The following CSMD1 variants were observed in gnomAD, a reference collection of about 807,000 sequenced individuals.
The protein encoded by CSMD1 is CUB and Sushi multiple domains 1, also known as CUB and sushi domain-containing protein 1.
Under a neutral mutation model 417.5 loss-of-function variants are expected in CSMD1, and 213 were observed. The observed-to-expected ratio is 0.51, with a 90% CI of 0.46 to 0.57. The LOEUF (loss-of-function observed/expected upper bound fraction) is 0.57, where lower values mean the gene tolerates loss of function less well. Ranked by LOEUF, CSMD1 falls within the 20% of genes least tolerant of loss-of-function variation. The pLI is 0.00. For missense variants in CSMD1, 6,923 were observed against 4,529.7 expected (o/e 1.53, Z -15.17); for synonymous variants, 2,862 against 1,736.8 (o/e 1.65, Z -16.11).
intron 26 of CSMD1, among the ~76,000 whole-genome samples, chr8:3,252,705 G>T (rs1393662351): frequency 6.6e-6 from 1 of 152,086 alleles, no homozygotes; most frequent in African/African-American, 2.4e-5. Context: ...CTTTTTTTAG[G>T]TTGGTAAGCT....
intron 2 of CSMD1, among the ~76,000 whole-genome samples, chr8:4,589,893 G>A (rs1405741131): frequency 6.6e-6 from 1 of 152,118 alleles, no homozygotes; most frequent in South Asian, 2.1e-4. Flanking sequence ...ACTGAGACCT[G>A]CCTTCTGACA....
In CSMD1 at chr8:4,390,642, G is replaced by C. The variant is rs573809880; in HGVS notation, c.415+29311C>G. ...CATTCTCCTGCCTCAGCCTCCCAAG[G>C]AGCTGGGACGACAGGCACCCCCCAC... On this transcript the variant is annotated intron_variant, in intron 3 of 69. Transcript: ENST00000635120. 3.8e-4 allele frequency among the ~76,000 whole-genome samples: 57 copies of C among 151,920 alleles called. 1 individual carries two copies. The highest frequency in any genetic ancestry group is 1.1e-3 in the African/African-American group (45 of 41,438).
intron 18 of CSMD1, among the ~76,000 whole-genome samples, chr8:3,375,499 T>C (rs1170200825): frequency 7.2e-5 from 11 of 152,220 alleles, no homozygotes; most frequent in Middle Eastern, 6.8e-3. Context: ...ATTCATAGAC[T>C]CTCCATGCCC....
At chr8:4,147,777 T>C (rs1012173032) in intron 3 of CSMD1, among the ~76,000 whole-genome samples, 7 of 152,042 alleles carry the variant, frequency 4.6e-5, no homozygotes, top group Non-Finnish European at 7.3e-5. Context: ...CCATGTGAGA[T>C]CAGAGCCTGA....
chr8:4,729,818 C>A (rs942732595), intron 1 of CSMD1, among the ~76,000 whole-genome samples: 1 of 152,152 alleles, frequency 6.6e-6, no homozygotes, highest in Non-Finnish European at 1.5e-5. Flanking sequence ...TTTTCCATTG[C>A]AATCACAGTA....
intron 3 of CSMD1, among the ~76,000 whole-genome samples, chr8:4,128,554 C>G (rs1384005032): frequency 2.0e-5 from 3 of 152,142 alleles, no homozygotes; most frequent in African/African-American, 4.8e-5. Context: ...TTACAGATAA[C>G]ACATCTCATC....
At chr8:3,764,664 G>T (rs1355956648) in intron 5 of CSMD1, among the ~76,000 whole-genome samples, 1 of 152,064 alleles carries the variant, frequency 6.6e-6, no homozygotes, top group East Asian at 1.9e-4. Context: ...AGGGGCTGGG[G>T]AGTTCATTAT....
chr8:3,293,064 T>G (rs1396220047), intron 25 of CSMD1, among the ~76,000 whole-genome samples: 1 of 152,150 alleles, frequency 6.6e-6, no homozygotes, highest in Non-Finnish European at 1.5e-5. Context: ...TGTAAAGTAT[T>G]TTATTTCTCC....
chr8:3,616,872 G>C, intron 7 of CSMD1, 75 bp from the exon 8 acceptor site: 1 of 1,005,286 alleles, frequency 9.9e-7, no homozygotes, highest in East Asian at 2.6e-5. Flanking sequence ...TTTATTCTAG[G>C]CATTTTCAGT....
chr8:4,463,294 G>C (rs1465547430), intron 2 of CSMD1, among the ~76,000 whole-genome samples: 6 of 152,184 alleles, frequency 3.9e-5, no homozygotes, highest in South Asian at 2.1e-4. Context: ...GTAAGTGTTG[G>C]TGAGGAGGTG....
intron 8 of CSMD1, among the ~76,000 whole-genome samples, chr8:3,593,620 T>A (rs529625790): frequency 5.0e-4 from 76 of 152,344 alleles, no homozygotes; most frequent in Middle Eastern, 3.4e-3. Context: ...CTTTTAAGAA[T>A]GAACAGATAA....
chr8:3,973,887 T>C (rs1246972686), intron 5 of CSMD1, among the ~76,000 whole-genome samples: 1 of 152,182 alleles, frequency 6.6e-6, no homozygotes, highest in East Asian at 1.9e-4. Context: ...GATGAATATA[T>C]TGATGGGTTA....
At chr8:4,918,447 G>C (rs979529164) in intron 1 of CSMD1, among the ~76,000 whole-genome samples, 2 of 151,950 alleles carry the variant, frequency 1.3e-5, no homozygotes, top group African/African-American at 4.8e-5. Context: ...ATATCCACCT[G>C]GACTTCATTA....
At chr8:4,067,963 G>C (rs1374690763) in intron 3 of CSMD1, among the ~76,000 whole-genome samples, 2 of 152,096 alleles carry the variant, frequency 1.3e-5, no homozygotes, top group Non-Finnish European at 2.9e-5. Context: ...TGTAATCCCA[G>C]CTACTTGGGA....
At chr8:3,529,411 G>A (rs1366872086) in intron 10 of CSMD1, among the ~76,000 whole-genome samples, 1 of 152,126 alleles carries the variant, frequency 6.6e-6, no homozygotes, top group South Asian at 2.1e-4. Context: ...GAGATGGGGG[G>A]TTGATACATG....
At chr8:4,570,887 A>C (rs1375633950) in intron 2 of CSMD1, among the ~76,000 whole-genome samples, 2 of 152,206 alleles carry the variant, frequency 1.3e-5, no homozygotes, top group Non-Finnish European at 2.9e-5. Flanking sequence ...ATGTGTACCC[A>C]GGAATTTGTC....
At chr8:4,824,038 G>A (rs905656591) in intron 1 of CSMD1, among the ~76,000 whole-genome samples, 22 of 150,662 alleles carry the variant, frequency 1.5e-4, no homozygotes, top group African/African-American at 5.1e-4. Context: ...AAACATCCAT[G>A]CACCCACACA....
chr8:4,396,423 C>G (rs1244526678), intron 3 of CSMD1, among the ~76,000 whole-genome samples: 1 of 152,162 alleles, frequency 6.6e-6, no homozygotes, highest in Non-Finnish European at 1.5e-5. Flanking sequence ...ACCAAGACTG[C>G]ACCACTGAAC....
chr8:4,202,283 C>G (rs975239320), intron 3 of CSMD1, among the ~76,000 whole-genome samples: 1 of 152,108 alleles, frequency 6.6e-6, no homozygotes, highest in Non-Finnish European at 1.5e-5. Context: ...ACTGATTATG[C>G]TTTAAAAAAA....
Sources: gnomAD v4.1 joint callset for allele counts (sites outside exome capture counted in the v4.1 genomes callset) on GRCh38, gnomAD v4.1.1 for gene constraint, MANE v1.5 for transcripts, NCBI Gene and HGNC (gene_info 2026-07-23, HGNC 2026-07-21) for gene names.